The following SBF1 variants were observed in gnomAD, a reference collection of about 807,000 sequenced individuals.
SBF1 encodes the protein myotubularin-related protein 5.
SBF1 carries 65 observed loss-of-function variants against 215.8 expected under a neutral mutation model. The ratio of observed to expected loss-of-function variants is 0.30; its 90% confidence interval spans 0.25 to 0.37. SBF1 has a LOEUF of 0.37. SBF1 is among the 10% of genes least tolerant of loss of function. The pLI is 1.00. For synonymous variants in SBF1, 1,410 were observed against 1,122.8 expected (o/e 1.26, Z -5.11); for missense variants, 2,634 against 2,667.8 (o/e 0.99, Z 0.28).
Position 50,465,022 on chromosome 22 carries a change from G to C in SBF1, c.1311C>G (p.Arg437=). 6.2e-7 allele frequency: 1 copy of C among 1,614,020 alleles called. No homozygotes were observed. Among genetic ancestry groups the C allele is most frequent in the Non-Finnish European group, 8.5e-7 (1 of 1,179,976 alleles). The change falls in exon 12 of 41, where the codon CGC becomes CGG. Residue 437 remains arginine (R), a synonymous_variant. Transcript: ENST00000380817. ...GFVSERGVPY[R]PTDLFDELVA... is the part of the protein sequence containing the mutation. Reference sequence around the variant, plus strand: ...GCACCTCATCGAACAGGTCCGTAGGGCGGTATGGGACCCCACGCTCTGACA... The same window carrying C: ...GCACCTCATCGAACAGGTCCGTAGGCCGGTATGGGACCCCACGCTCTGACA...
At chr22:50,458,648 G>A (rs938988361) in intron 28 of SBF1, among the ~76,000 whole-genome samples, 7 of 152,238 alleles carry the variant, frequency 4.6e-5, no homozygotes, top group Non-Finnish European at 8.8e-5. Flanking sequence ...GTGAGTGTGG[G>A]GCCTATCTGC....
chr22:50,447,724 G>A, intron 38 of SBF1, 115 bp from the exon 39 acceptor site: 1 of 751,210 alleles, frequency 1.3e-6, no homozygotes, highest in Non-Finnish European at 2.2e-6. Context: ...CAGGCACCCT[G>A]TCCCCAGAAC....
intron 36 of SBF1, among the ~76,000 whole-genome samples, chr22:50,449,471 C>T (rs776927468): frequency 2.0e-5 from 3 of 151,948 alleles, no homozygotes; most frequent in Non-Finnish European, 4.4e-5. Flanking sequence ...AAAAATTAGC[C>T]GGACGCAGTG....
Position 50,460,320 on chromosome 22 carries a change from C to G in SBF1, c.3235G>C (p.Glu1079Gln). ...TCAGGGGGCGGCTGGCCCCGGTGCTCCCAGCTGGGGGGGTTGTACTTCTTG... is the reference window on the plus strand; with the variant it reads ...TCAGGGGGCGGCTGGCCCCGGTGCTGCCAGCTGGGGGGGTTGTACTTCTTG... Reference protein sequence around the residue: ...TRKKYNPPSWEHRGQPPPEDQ... With the variant: ...TRKKYNPPSWQHRGQPPPEDQ... Residue 1079 changes from glutamate (E) to glutamine (Q), a missense_variant, in exon 25 of 41, where the codon GAG (glutamate) becomes CAG (glutamine). Glu to Gln is a conservative substitution (Grantham distance 29, BLOSUM62 2). Coordinates refer to ENST00000380817, the MANE Select transcript of SBF1 (RefSeq NM_002972.4). 1 of 1,612,616 alleles carries G rather than the reference C, an allele frequency of 6.2e-7. No individual in the cohort carries two copies. The highest frequency in any genetic ancestry group is 8.5e-7 in the Non-Finnish European group (1 of 1,178,958).
rs956358277 is a variant in SBF1, at chr22:50,459,328, G to A, written c.3753C>T (p.Ser1251=). 2.5e-6 allele frequency: 4 copies of A among 1,612,742 alleles called. No homozygotes were observed. Among genetic ancestry groups the A allele is most frequent in the African/African-American group, 2.7e-5 (2 of 74,932 alleles). Residue 1251 remains serine, a synonymous_variant, in exon 28 of 41, where the codon TCC becomes TCT. Transcript: ENST00000380817. ...CCGACGCGTCGGCGTAGCGGGGCATGGAGCTGACCACAGCCTGCAGGTACT... is the reference window on the plus strand; with the variant it reads ...CCGACGCGTCGGCGTAGCGGGGCATAGAGCTGACCACAGCCTGCAGGTACT... The part of the protein sequence containing the change: ...QEKYLQAVVS[S]MPRYADASGR...
At chr22:50,468,575 T>C in intron 1 of SBF1, 114 bp from the exon 2 acceptor site, 1 of 678,874 alleles carries the variant, frequency 1.5e-6, no homozygotes, top group Non-Finnish European at 2.4e-6. Context: ...TGGCACCAGA[T>C]CAGCCACAGC....
chr22:50,450,357 C>A (rs567001415), intron 36 of SBF1, among the ~76,000 whole-genome samples: 24 of 152,128 alleles, frequency 1.6e-4, no homozygotes, highest in African/African-American at 5.5e-4. Flanking sequence ...CCTGTCTCTA[C>A]TAAAAATACA....
intron 16 of SBF1, 24 bp downstream of exon 16, chr22:50,463,259 C>A: frequency 6.2e-7 from 1 of 1,612,534 alleles, no homozygotes; most frequent in South Asian, 1.1e-5. Context: ...TGAGCCATGT[C>A]ACTAGCAGGA....
chr22:50,447,190 C>T lies in SBF1; in HGVS notation c.5634G>A (p.Ser1878=), dbSNP rs571562651. 9.3e-6 allele frequency: 15 copies of T among 1,613,596 alleles called. No homozygotes were observed. The highest frequency in any genetic ancestry group is 8.8e-5 in the South Asian group (8 of 91,076). The change falls in exon 41 of 41, where the codon TCG becomes TCA. Residue 1878 remains serine (S), a synonymous_variant. Coordinates refer to ENST00000380817, the MANE Select transcript of SBF1 (RefSeq NM_002972.4). ...VYNFCAQDVP[S]AQQWVDRIQS... ...GGATCCGGTCCACCCACTGCTGGGCCGAGGGCACGTCCTGGGCACAGAAGT... is the reference window on the plus strand; with the variant it reads ...GGATCCGGTCCACCCACTGCTGGGCTGAGGGCACGTCCTGGGCACAGAAGT...
chr22:50,447,667 C>A, intron 38 of SBF1, 58 bp from the exon 39 acceptor site: 1 of 1,294,434 alleles, frequency 7.7e-7, no homozygotes, highest in East Asian at 2.5e-5. Context: ...CAAGCCCAGG[C>A]CCCAGCAGTC....
At chr22:50,468,223 C>T (rs537058637) in intron 2 of SBF1, among the ~76,000 whole-genome samples, 153 bp downstream of exon 2, 89 of 152,302 alleles carry the variant, frequency 5.8e-4, no homozygotes, top group African/African-American at 2.1e-3. Context: ...CCGGCCAAGC[C>T]GGTCAAACCC....
rs1413480607 is a variant in SBF1 at position 50,454,924 on chromosome 22, C to T, written c.4702G>A (p.Gly1568Arg). The change falls in exon 35 of 41, where the codon GGG becomes AGG. Residue 1568 changes from glycine (G) to arginine (R), a missense_variant. Gly to Arg is a moderately radical substitution (Grantham distance 125). Coordinates refer to ENST00000380817, the MANE Select transcript of SBF1 (RefSeq NM_002972.4). The part of the protein sequence containing the change: ...IELGLLYEEK[G>R]ERRGQVPCRS... ...CACGGCACCTGGCCCCTGCGTTCCC[C>T]CTTCTCCTCATACAGCAGCCCTGCA... is the stretch of plus-strand genomic sequence containing the variant. 1 of 1,614,088 alleles carries T rather than the reference C, an allele frequency of 6.2e-7. No individual in the cohort carries two copies. Among genetic ancestry groups the T allele is most frequent in the Admixed American group, 1.7e-5 (1 of 60,022 alleles).
Position 50,461,192 on chromosome 22 carries a change from C to T in SBF1, c.2934G>A (p.Gln978=). 6.2e-7 allele frequency: 1 copy of T among 1,610,050 alleles called. No individual in the cohort carries two copies. Among genetic ancestry groups the T allele is most frequent in the Non-Finnish European group, 8.5e-7 (1 of 1,177,856 alleles). Residue 978 remains glutamine (Q), a synonymous_variant, in exon 23 of 41, where the codon CAG becomes CAA. Coordinates refer to ENST00000380817, the MANE Select transcript of SBF1 (RefSeq NM_002972.4). The part of the protein sequence containing the change: ...SVQTPVDQLL[Q]DGLQLRSCTF... ...TGCAGGAGCGCAGCTGGAGCCCGTC[C>T]TGCAGGAGCTGGTCCACAGGGGTCT...
intron 30 of SBF1, 39 bp downstream of exon 30, chr22:50,456,453 G>GGCCCCCCCCCCCCCCCCCCCCCCCC: frequency 6.6e-7 from 1 of 1,520,052 alleles, no homozygotes; most frequent in Non-Finnish European, 8.9e-7. Flanking sequence ...CCCCTGCCGA[G>GGCCCCCCCCCCCCCCCCCCCCCCCC]CCCCCACCCT....
rs746863783 is a variant in SBF1, at chr22:50,447,171, G to C, written c.5653C>G (p.Arg1885Gly). 3 of 1,613,106 alleles carry C rather than the reference G, an allele frequency of 1.9e-6. No homozygotes were observed. Among genetic ancestry groups the C allele is most frequent in the East Asian group, 2.2e-5 (1 of 44,868 alleles). ...GCGTCCGACAGGCAGCTCTGGATCC[G>C]GTCCACCCACTGCTGGGCCGAGGGC... The part of the protein sequence containing the change: ...DVPSAQQWVD[R>G]IQSCLSDA The change falls in exon 41 of 41, where the codon CGG becomes GGG. Residue 1885 changes from arginine to glycine, a missense_variant. Physicochemically the swap from Arg to Gly is moderately radical, Grantham distance 125. Transcript: ENST00000380817.
In SBF1 at chr22:50,447,266, C is replaced by T. The variant is rs367636558; in HGVS notation, c.5584-26G>A. On this transcript the variant is annotated intron_variant, in intron 40 of 40. Transcript: ENST00000380817. Reference sequence around the variant, plus strand: ...CTGGGGAAGGGCGGGTTACTGACTCCGCAGCCCCCACACCGCAGAGCCCCT... The same window carrying T: ...CTGGGGAAGGGCGGGTTACTGACTCTGCAGCCCCCACACCGCAGAGCCCCT... The T allele has an allele frequency of 4.1e-5, 66 of 1,613,408 alleles. 1 individual carries two copies. The highest frequency in any genetic ancestry group is 1.7e-4 in the Admixed American group (10 of 59,996).
rs1253760267 is a variant in SBF1, at chr22:50,466,724, A to G, written c.550-14T>C. ...AGAGATCGTCCTCTGCAGCAAAAAA[A>G]GGATCGGGGCTCAGTAGTTTGGCCA... On this transcript the variant is annotated splice_polypyrimidine_tract_variant and intron_variant, in intron 5 of 40. Transcript: ENST00000380817. 4.0e-6 allele frequency: 6 copies of G among 1,507,282 alleles called. No homozygotes were observed. The highest frequency in any genetic ancestry group is 2.5e-5 in the East Asian group (1 of 40,330). The allele number at this position is 1,507,282 out of a possible 1,614,324, so 93.4% of individuals were successfully genotyped here.
In SBF1 at chr22:50,467,729, G is replaced by A. The variant is rs760707836; in HGVS notation, c.280-39C>T. 1.7e-5 allele frequency: 28 copies of A among 1,609,306 alleles called. No individual in the cohort carries two copies. The South Asian group carries it at 2.3e-4, about 13-fold the overall frequency. ...GGGGGAGACGGGGGCAGGGGGAGTT[G>A]GCCACGGCCCAAGGATGCAGCTTCA... On this transcript the variant is annotated intron_variant, in intron 3 of 40. Coordinates refer to ENST00000380817, the MANE Select transcript of SBF1 (RefSeq NM_002972.4).
chr22:50,461,606 C>T lies in SBF1; in HGVS notation c.2756G>A (p.Gly919Glu), dbSNP rs866980656. Residue 919 changes from glycine (G) to glutamate (E), a missense_variant, in exon 22 of 41, where the codon GGA (glycine) becomes GAA (glutamate). By Grantham distance (98) the Gly-to-Glu change is moderately conservative (BLOSUM62 -2). Coordinates refer to ENST00000380817, the MANE Select transcript of SBF1 (RefSeq NM_002972.4). ...GCCCTCAGCTGGGAGCAATGCTGGT[C>T]CCCCAGCACTGCCCCCCGCGCCCTC... Reference protein sequence around the residue: ...REEGAGGSAGGPALLPAEGAV... With the variant: ...REEGAGGSAGEPALLPAEGAV... 1 of 1,611,880 alleles carries T rather than the reference C, an allele frequency of 6.2e-7. No individual in the cohort carries two copies.
Sources: allele counts gnomAD v4.1 joint callset (sites outside exome capture counted in the v4.1 genomes callset), GRCh38; gene constraint gnomAD v4.1.1; transcripts MANE v1.5; gene names NCBI Gene and HGNC (gene_info 2026-07-23, HGNC 2026-07-21).